The following CAPZB variants were observed in gnomAD, a reference collection of about 807,000 sequenced individuals.
CAPZB encodes the protein capping actin protein of muscle Z-line subunit beta.
A neutral mutation model predicts 38.1 loss-of-function variants in CAPZB; 2 were observed. The observed-to-expected ratio is 0.05, with a 90% CI of 0.02 to 0.17. The LOEUF is 0.17. CAPZB is among the 10% of genes least tolerant of loss of function. The pLI is 1.00. For synonymous variants in CAPZB, 107 were observed against 127.4 expected (o/e 0.84, Z 1.08); for missense variants, 161 against 334.2 (o/e 0.48, Z 4.04).
intron 6 of CAPZB, among the ~76,000 whole-genome samples, chr1:19,350,971 T>C (rs2093988433): frequency 6.6e-6 from 1 of 150,760 alleles, no homozygotes. Context: ...TTGTTTCTAC[T>C]CTACAATGAT....
chr1:19,435,790 A>G (rs1195991035), intron 1 of CAPZB, among the ~76,000 whole-genome samples: 2 of 152,188 alleles, frequency 1.3e-5, no homozygotes, highest in Admixed American at 1.3e-4. Context: ...GTGCCTACTC[A>G]ATACTCCACA....
chr1:19,448,832 A>T, intron 1 of CAPZB: 4 of 1,612,774 alleles, frequency 2.5e-6, no homozygotes, highest in Non-Finnish European at 3.4e-6. Context: ...AGTGCGTGTC[A>T]CCTTTCTAGG....
At chr1:19,442,921 G>A (rs1259131344) in intron 1 of CAPZB, among the ~76,000 whole-genome samples, 1 of 152,134 alleles carries the variant, frequency 6.6e-6, no homozygotes, top group Non-Finnish European at 1.5e-5. Context: ...CTCTACGCCA[G>A]TGGTGCTGAA....
intron 6 of CAPZB, among the ~76,000 whole-genome samples, chr1:19,354,674 C>G (rs1558179637): frequency 6.6e-6 from 1 of 152,354 alleles, no homozygotes; most frequent in East Asian, 1.9e-4. Context: ...GAACCAGACT[C>G]TGGCCATGGG....
chr1:19,460,227 G>A (rs928290025), intron 1 of CAPZB, among the ~76,000 whole-genome samples: 19 of 152,212 alleles, frequency 1.2e-4, no homozygotes, highest in Non-Finnish European at 8.8e-5. Flanking sequence ...AGTTAAGATG[G>A]AAAAGGCATT....
intron 1 of CAPZB, among the ~76,000 whole-genome samples, chr1:19,453,366 G>A (rs10917453): frequency 0.63 from 95,698 of 151,938 alleles, 30,197 homozygotes; most frequent in East Asian, 0.67. Context: ...GGTTCAAGCA[G>A]TTCTCCCACC....
At chr1:19,452,284 G>A (rs909845898) in intron 1 of CAPZB, among the ~76,000 whole-genome samples, 1 of 152,140 alleles carries the variant, frequency 6.6e-6, no homozygotes, top group Non-Finnish European at 1.5e-5. Context: ...CGGCTCTAGG[G>A]CAGCATCTCC....
At chr1:19,343,201 GACC>G (rs1244825025) in intron 8 of CAPZB, among the ~76,000 whole-genome samples, 1 of 152,226 alleles carries the variant, frequency 6.6e-6, no homozygotes, top group African/African-American at 2.4e-5. Flanking sequence ...TAACGCCAGG[GACC>G]ACTGGGCTCT....
At chr1:19,344,617 C>G (rs1288168541) in intron 7 of CAPZB, among the ~76,000 whole-genome samples, 183 bp from the exon 8 acceptor site, 1 of 152,212 alleles carries the variant, frequency 6.6e-6, no homozygotes, top group Admixed American at 6.5e-5. Context: ...GTGCTCCCGG[C>G]ACCTTCCCAT....
chr1:19,364,246 C>T lies in CAPZB; in HGVS notation c.330-6683G>A, dbSNP rs1162979623. ...ATCAAAGAGCTGGATCAGAGGCCAGCGTAGAGGGTCCTCCCAGTTCTGACA... is the reference window on the plus strand; with the variant it reads ...ATCAAAGAGCTGGATCAGAGGCCAGTGTAGAGGGTCCTCCCAGTTCTGACA... On this transcript the variant is annotated intron_variant, in intron 4 of 8. Transcript: ENST00000264202. Among the ~76,000 whole-genome samples the T allele has an allele frequency of 2.6e-5, 4 of 152,194 alleles. No homozygotes were observed. The East Asian group carries it at 5.8e-4, about 22-fold the overall frequency.
At chr1:19,471,166 CT>C (rs1209643942) in intron 1 of CAPZB, among the ~76,000 whole-genome samples, 1 of 152,164 alleles carries the variant, frequency 6.6e-6, no homozygotes, top group Non-Finnish European at 1.5e-5. Flanking sequence ...ATAATAAAAG[CT>C]ACGTGCATGT....
chr1:19,482,792 C>G (rs1423035851), intron 1 of CAPZB, among the ~76,000 whole-genome samples: 1 of 152,190 alleles, frequency 6.6e-6, no homozygotes, highest in Non-Finnish European at 1.5e-5. Context: ...ACATGGTGAT[C>G]TGAATTCATT....
At chr1:19,400,673 A>G (rs2094298555) in intron 2 of CAPZB, among the ~76,000 whole-genome samples, 1 of 152,204 alleles carries the variant, frequency 6.6e-6, no homozygotes, top group Non-Finnish European at 1.5e-5. Context: ...GACCATCCTC[A>G]ATGGAAGCTC....
intron 1 of CAPZB, among the ~76,000 whole-genome samples, chr1:19,450,205 CAA>C (rs2094511532): frequency 3.9e-5 from 1 of 25,452 alleles, no homozygotes; most frequent in African/African-American, 1.0e-4. Flanking sequence ...TGTAGTAATA[CAA>C]TACATGGAAA....
intron 1 of CAPZB, among the ~76,000 whole-genome samples, chr1:19,475,412 C>T (rs1228080396): frequency 1.3e-5 from 2 of 152,344 alleles, no homozygotes; most frequent in East Asian, 1.9e-4. Flanking sequence ...TCAGGCCAAG[C>T]GCTCAGCGCC....
chr1:19,366,286 ATAT>A (rs1558189755), intron 4 of CAPZB, among the ~76,000 whole-genome samples: 15 of 107,264 alleles, frequency 1.4e-4, no homozygotes, highest in Admixed American at 1.2e-3. Context: ...GTCTTAAAAT[ATAT>A]ATATATATAT....
chr1:19,412,381 G>GA (rs943979458), intron 2 of CAPZB, among the ~76,000 whole-genome samples: 1 of 152,124 alleles, frequency 6.6e-6, no homozygotes, highest in African/African-American at 2.4e-5. Context: ...AACTCTGGTG[G>GA]AAAAAGCATT....
chr1:19,407,957 CCTCCATGACT>C (rs1175657794), intron 2 of CAPZB, among the ~76,000 whole-genome samples: 1 of 152,178 alleles, frequency 6.6e-6, no homozygotes, highest in Non-Finnish European at 1.5e-5. Flanking sequence ...CACCTTCTGA[CCTCCATGACT>C]CGCCTTTGGG....
intron 1 of CAPZB, among the ~76,000 whole-genome samples, chr1:19,435,361 G>T (rs2094454967): frequency 6.6e-6 from 1 of 151,386 alleles, no homozygotes; most frequent in Admixed American, 6.6e-5. Context: ...TGAGCAAAAA[G>T]AATTAAAGAA....
Sources: allele counts gnomAD v4.1 joint callset (sites outside exome capture counted in the v4.1 genomes callset), GRCh38; gene constraint gnomAD v4.1.1; transcripts MANE v1.5; gene names NCBI Gene and HGNC (gene_info 2026-07-23, HGNC 2026-07-21).